Variants in ARHGEF28 observed in about 807,000 individuals in gnomAD.
ARHGEF28 encodes Rho guanine nucleotide exchange factor 28, also known as 190 kDa guanine nucleotide exchange factor.
In ARHGEF28, 152 loss-of-function variants were observed where a neutral mutation model predicts 206.6. The ratio of observed to expected loss-of-function variants is 0.74; its 90% CI spans 0.64 to 0.84. The LOEUF is 0.84. Among genes scored for constraint, ARHGEF28 ranks in the 40% least tolerant of loss-of-function variants. The pLI, the probability that ARHGEF28 is intolerant of heterozygous loss-of-function variation, is 0.00. For missense variants in ARHGEF28, 2,028 were observed against 2,073.2 expected, an observed-to-expected ratio of 0.98 and a Z score of 0.42; for synonymous variants, 763 against 776.4, an observed-to-expected ratio of 0.98 and a Z score of 0.29.
intron 9 of ARHGEF28, chr5:73,813,604 G>A (rs940755380): frequency 4.6e-5 from 71 of 1,535,648 alleles, no homozygotes; most frequent in South Asian, 3.6e-5. Flanking sequence ...TTCTGACTCC[G>A]ACTCACCTTT....
chr5:73,639,354 A>C (rs911521299), intron 1 of ARHGEF28, among the ~76,000 whole-genome samples: 1 of 151,534 alleles, frequency 6.6e-6, no homozygotes, highest in African/African-American at 2.4e-5. Flanking sequence ...GTACAGAGAG[A>C]CATTTGTAAT....
At chr5:73,702,361 A>G (rs1360547091) in intron 2 of ARHGEF28, among the ~76,000 whole-genome samples, 1 of 152,196 alleles carries the variant, frequency 6.6e-6, no homozygotes, top group African/African-American at 2.4e-5. Context: ...TGTTAGGACT[A>G]TGCATCTGTA....
chr5:73,692,914 G>T (rs1747928511), intron 2 of ARHGEF28, among the ~76,000 whole-genome samples: 2 of 152,182 alleles, frequency 1.3e-5, no homozygotes, highest in South Asian at 4.1e-4. Context: ...TCTCTTGGTG[G>T]CCCTCCATCC....
intron 9 of ARHGEF28, among the ~76,000 whole-genome samples, chr5:73,816,959 G>T (rs78206771): frequency 1.4e-5 from 2 of 147,570 alleles, no homozygotes; most frequent in African/African-American, 2.5e-5. Flanking sequence ...CTGTTTTTTT[G>T]TTTTGTTTTG....
At position 73,846,436 on chromosome 5, in the gene ARHGEF28, G is replaced by T. The variant is rs1237207574; in HGVS notation, c.1596G>T (p.Arg532Ser). 1.4e-5 allele frequency: 22 copies of T among 1,613,702 alleles called. No homozygotes were observed. Among genetic ancestry groups the T allele is most frequent in the Non-Finnish European group, 1.9e-5 (22 of 1,179,814 alleles). Reference sequence around the variant, plus strand: ...CTGAACCGGATTTTAATATCTCCAGGGCTGAATCCCTTCCTCTATCAAGTA... The same window carrying T: ...CTGAACCGGATTTTAATATCTCCAGTGCTGAATCCCTTCCTCTATCAAGTA... ...TNTEPDFNIS[R>S]AESLPLSSNL... Residue 532 changes from arginine to serine, a missense_variant, in exon 12 of 36, where the codon AGG becomes AGT. By Grantham distance (110) the Arg-to-Ser change is moderately radical. Coordinates refer to ENST00000513042, the MANE Select transcript of ARHGEF28 (RefSeq NM_001177693.2).
rs1345854686 is a variant in ARHGEF28, at chr5:73,832,434, A to G, written c.1121A>G (p.Tyr374Cys). 6.2e-7 allele frequency: 1 copy of G among 1,612,580 alleles called. No individual in the cohort carries two copies. Among genetic ancestry groups the G allele is most frequent in the Non-Finnish European group, 8.5e-7 (1 of 1,179,390 alleles). The part of the protein sequence containing the change: ...SDMLNGGDEV[Y>C]ANCMVIDQVG... Reference sequence around the variant, plus strand: ...ATGCTGAATGGAGGTGATGAAGTCTACGCTAACTGTATGGTGATTGATCAG... The same window carrying G: ...ATGCTGAATGGAGGTGATGAAGTCTGCGCTAACTGTATGGTGATTGATCAG... Residue 374 changes from tyrosine to cysteine, a missense_variant, in exon 10 of 36, where the codon TAC becomes TGC. Tyr to Cys is a radical substitution (Grantham distance 194, BLOSUM62 -2). This residue lies in a region of ARHGEF28 where 1,002 missense variants were observed against 1,015.3 expected (regional missense o/e 0.99). Transcript: ENST00000513042.
intron 1 of ARHGEF28, among the ~76,000 whole-genome samples, chr5:73,678,729 T>C (rs533905010): frequency 6.6e-6 from 1 of 152,110 alleles, no homozygotes; most frequent in East Asian, 1.9e-4. Context: ...AAAATACTTA[T>C]AGCTTGACAA....
At chr5:73,685,325 G>A (rs1747392420) in intron 2 of ARHGEF28, among the ~76,000 whole-genome samples, 1 of 152,122 alleles carries the variant, frequency 6.6e-6, no homozygotes, top group African/African-American at 2.4e-5. Flanking sequence ...GCGCTGGGGG[G>A]GACAGGAATG....
At chr5:73,770,674 A>G (rs1366719274) in intron 4 of ARHGEF28, among the ~76,000 whole-genome samples, 1 of 152,170 alleles carries the variant, frequency 6.6e-6, no homozygotes, top group Non-Finnish European at 1.5e-5. Flanking sequence ...GATGCTTCCT[A>G]TTTCAAGCTG....
At chr5:73,879,776 T>A (rs1162769080) in intron 22 of ARHGEF28, among the ~76,000 whole-genome samples, 1 of 152,190 alleles carries the variant, frequency 6.6e-6, no homozygotes, top group Non-Finnish European at 1.5e-5. Context: ...GTCTGATAGT[T>A]CCTCTGGAAG....
At position 73,749,905 on chromosome 5, in the gene ARHGEF28, T is replaced by C. The variant is rs777187802; in HGVS notation, c.102T>C (p.Phe34=). 2 of 1,613,924 alleles carry C rather than the reference T, an allele frequency of 1.2e-6. No homozygotes were observed. The highest frequency in any genetic ancestry group is 1.7e-6 in the Non-Finnish European group (2 of 1,179,910). Residue 34 remains phenylalanine (F), a synonymous_variant, in exon 3 of 36, where the codon TTT becomes TTC. Coordinates refer to ENST00000513042, the MANE Select transcript of ARHGEF28 (RefSeq NM_001177693.2). ...VYLPEDAEFY[F]TYDGSHQRHV... ...TTCCTGAAGATGCTGAGTTTTACTT[T>C]ACTTATGACGGATCTCATCAGCGAC...
At chr5:73,819,520 T>C (rs1756441774) in intron 9 of ARHGEF28, among the ~76,000 whole-genome samples, 1 of 152,212 alleles carries the variant, frequency 6.6e-6, no homozygotes, top group Non-Finnish European at 1.5e-5. Flanking sequence ...GGGTGATGTC[T>C]TCTTTCTTGG....
chr5:73,871,724 C>T (rs1375481264), intron 21 of ARHGEF28, among the ~76,000 whole-genome samples: 2 of 152,216 alleles, frequency 1.3e-5, no homozygotes, highest in African/African-American at 2.4e-5. Flanking sequence ...ACATCTTCAT[C>T]ACTTCAAAAA....
intron 22 of ARHGEF28, among the ~76,000 whole-genome samples, chr5:73,877,696 G>A (rs1352351571): frequency 4.0e-5 from 6 of 150,910 alleles, no homozygotes; most frequent in Non-Finnish European, 5.9e-5. Flanking sequence ...AGTCATTCAG[G>A]AGCAGGTTGT....
At position 73,892,161 on chromosome 5, in the gene ARHGEF28, A is replaced by G; in HGVS notation, c.3497A>G (p.Tyr1166Cys). The G allele has an allele frequency of 1.9e-6, 3 of 1,583,400 alleles. No homozygotes were observed. Among genetic ancestry groups the G allele is most frequent in the Non-Finnish European group, 2.6e-6 (3 of 1,163,140 alleles). The change falls in exon 27 of 36, where the codon TAT (tyrosine) becomes TGT (cysteine). Residue 1166 changes from tyrosine to cysteine, a missense_variant. Physicochemically the swap from Tyr to Cys is radical, Grantham distance 194. Coordinates refer to ENST00000513042, the MANE Select transcript of ARHGEF28 (RefSeq NM_001177693.2). The part of the protein sequence containing the change: ...ISASSAGPEM[Y>C]EIHTNSKEER... The stretch of plus-strand genomic sequence containing the variant: ...GCTTCATCTGCTGGTCCTGAGATGT[A>G]TGAAATTCACACCAATTCCAAGGAG...
intron 16 of ARHGEF28, among the ~76,000 whole-genome samples, chr5:73,858,471 C>T (rs1315163213): frequency 6.6e-6 from 1 of 152,100 alleles, no homozygotes; most frequent in East Asian, 1.9e-4. Context: ...TGTTACATCT[C>T]CCCATTCTGT....
At chr5:73,627,486 T>C (rs1258040502) in intron 1 of ARHGEF28, among the ~76,000 whole-genome samples, 5 of 152,170 alleles carry the variant, frequency 3.3e-5, no homozygotes, top group Non-Finnish European at 7.3e-5. Context: ...TACATGACAA[T>C]CCAAGCGTAG....
intron 1 of ARHGEF28, among the ~76,000 whole-genome samples, chr5:73,665,644 C>G (rs1745903872): frequency 6.6e-6 from 1 of 152,132 alleles, no homozygotes; most frequent in South Asian, 2.1e-4. Context: ...GGCAAGAGAG[C>G]ATGAGAGAGG....
At chr5:73,914,969 G>A (rs1157876909) in intron 35 of ARHGEF28, among the ~76,000 whole-genome samples, 1 of 152,012 alleles carries the variant, frequency 6.6e-6, no homozygotes, top group Non-Finnish European at 1.5e-5. Flanking sequence ...TTGAACTCCT[G>A]GACTGAAGCG....
Sources: gnomAD v4.1 joint callset for allele counts (sites outside exome capture counted in the v4.1 genomes callset) on GRCh38, gnomAD v4.1.1 for gene constraint, gnomAD v4.1.1 regional missense constraint, MANE v1.5 for transcripts, NCBI Gene and HGNC (gene_info 2026-07-23, HGNC 2026-07-21) for gene names.